The following UBN1 variants were observed in gnomAD, a reference collection of about 807,000 sequenced individuals.
UBN1 encodes ubinuclein-1.
In UBN1, 17 loss-of-function variants were observed where a neutral mutation model predicts 108.5. The ratio of observed to expected loss-of-function variants is 0.16; its 90% CI spans 0.11 to 0.24. UBN1 has a LOEUF of 0.24. Ranked by LOEUF, UBN1 falls within the 10% of genes least tolerant of loss-of-function variation. The pLI, the probability that UBN1 is intolerant of heterozygous loss-of-function variation, is 1.00. For synonymous variants in UBN1, 726 were observed against 564.2 expected, an observed-to-expected ratio of 1.29 and a Z score of -4.07; for missense variants, 1,595 against 1,394.4, an observed-to-expected ratio of 1.14 and a Z score of -2.29.
chr16:4,877,024 G>A lies in UBN1; in HGVS notation c.3178G>A (p.Ala1060Thr), dbSNP rs780621831. 2 of 1,614,178 alleles carry A rather than the reference G, an allele frequency of 1.2e-6. No homozygotes were observed. Among genetic ancestry groups the A allele is most frequent in the Non-Finnish European group, 8.5e-7 (1 of 1,180,028 alleles). ...PIPVHVLSFS[A>T]DSSAKAGVSK... ...TCCTGTCCATGTGCTCTCCTTCAGC[G>A]CTGACTCCTCTGCCAAAGCAGGGGT... The change falls in exon 16 of 18, where the codon GCT becomes ACT. Residue 1060 changes from alanine (A) to threonine (T), a missense_variant. Ala to Thr is a moderately conservative substitution (Grantham distance 58). Around this residue, in one of 3 missense-constraint regions of UBN1, gnomAD observed 1,398 missense variants for 1,194.7 expected, o/e 1.17. Transcript: ENST00000262376. The surrounding 1 kb of genome is among the most constrained non-coding windows in gnomAD (Gnocchi z 4.3).
intron 15 of UBN1, among the ~76,000 whole-genome samples, chr16:4,875,985 G>A (rs1341509361): frequency 6.9e-6 from 1 of 144,252 alleles, no homozygotes; most frequent in Non-Finnish European, 1.5e-5. Flanking sequence ...TTGAGACGAA[G>A]TCTTGCTCTT....
rs2142307742 is a variant in UBN1 at position 4,880,355 on chromosome 16, A to G, written c.*223A>G. Reference sequence around the variant, plus strand: ...GACTGCCCCGTGCTCTGGGCCTTGCAGCTCTGTCGCTAGACGGTTGTTAGA... The same window carrying G: ...GACTGCCCCGTGCTCTGGGCCTTGCGGCTCTGTCGCTAGACGGTTGTTAGA... On this transcript the variant is annotated 3_prime_UTR_variant, in exon 18 of 18. Transcript: ENST00000262376. The G allele has an allele frequency of 1.8e-6, 1 of 541,980 alleles. No individual in the cohort carries two copies. Among genetic ancestry groups the G allele is most frequent in the Non-Finnish European group, 3.3e-6 (1 of 299,878 alleles). 33.6% of individuals were successfully genotyped at this position (541,980 alleles called of 1,614,324 possible).
chr16:4,867,401 G>A (rs1425567735), intron 7 of UBN1, among the ~76,000 whole-genome samples: 3 of 152,078 alleles, frequency 2.0e-5, no homozygotes, highest in African/African-American at 7.2e-5. Flanking sequence ...TGTATAGAGG[G>A]CTAACTTTTT....
rs763834874 is a variant in UBN1 at position 4,860,649 on chromosome 16, C to T, written c.672-15C>T. 30 of 1,601,040 alleles carry T rather than the reference C, an allele frequency of 1.9e-5. No individual in the cohort carries two copies. The South Asian group carries it at 3.2e-4, about 17-fold the overall frequency. The stretch of plus-strand genomic sequence containing the variant: ...GTCCTATAGTCTGAGTGACCAGTTT[C>T]CCTCTTGCTTGCAGCTTCACAGCCC... On this transcript the variant is annotated splice_polypyrimidine_tract_variant and intron_variant, in intron 6 of 17. Transcript: ENST00000262376.
Position 4,876,853 on chromosome 16 carries a change from G to A in UBN1, c.3025-18G>A, listed in dbSNP as rs1161590736. The A allele has an allele frequency of 6.4e-7, 1 of 1,564,866 alleles. No homozygotes were observed. ...AACAGGACTGGAGTTCTTACCGCTT[G>A]CTGTGTTTCTTCCCTAGAAAGGAGC... is the stretch of plus-strand genomic sequence containing the variant. On this transcript the variant is annotated intron_variant, in intron 15 of 17. Transcript: ENST00000262376.
intron 8 of UBN1, among the ~76,000 whole-genome samples, chr16:4,869,643 G>A (rs980875683): frequency 6.6e-6 from 1 of 152,258 alleles, no homozygotes; most frequent in Admixed American, 6.5e-5. Flanking sequence ...GGGTCAGGAA[G>A]TGTGAGCTGC....
intron 2 of UBN1, among the ~76,000 whole-genome samples, chr16:4,854,492 A>G (rs1036049612): frequency 1.4e-5 from 2 of 145,706 alleles, no homozygotes; most frequent in African/African-American, 2.6e-5. Flanking sequence ...TACGGGTGCC[A>G]GCCACCACGC....
At chr16:4,849,273 TAAG>T (rs2086404500) in intron 1 of UBN1, among the ~76,000 whole-genome samples, 1 of 151,978 alleles carries the variant, frequency 6.6e-6, no homozygotes, top group Admixed American at 6.6e-5. Flanking sequence ...GAAACAAAAA[TAAG>T]AAATGCAATT....
At chr16:4,855,668 C>T (rs113804956) in intron 2 of UBN1, among the ~76,000 whole-genome samples, 7,752 of 151,310 alleles carry the variant, frequency 0.051, 679 homozygotes, top group African/African-American at 0.18. Flanking sequence ...CCTGTAATCC[C>T]CACACTTTGG....
chr16:4,856,881 T>A (rs1401296396), intron 2 of UBN1, among the ~76,000 whole-genome samples: 5 of 152,236 alleles, frequency 3.3e-5, no homozygotes, highest in Admixed American at 2.0e-4. Flanking sequence ...ATTGTATGTG[T>A]ACACCACAAA....
chr16:4,852,162 ATTGTATACGAAG>A (rs2086590631), intron 1 of UBN1: 1 of 152,238 alleles, frequency 6.6e-6, no homozygotes, highest in South Asian at 2.1e-4. Context: ...AGGACACAAA[ATTGTATACGAAG>A]TAAGCAGAAA....
intron 2 of UBN1, among the ~76,000 whole-genome samples, chr16:4,853,643 C>T (rs886573450): frequency 1.2e-4 from 18 of 151,576 alleles, no homozygotes; most frequent in African/African-American, 3.2e-4. Flanking sequence ...CTGTAACCTC[C>T]GCCTCCCGAG....
chr16:4,878,557 A>G (rs930904721), intron 17 of UBN1, among the ~76,000 whole-genome samples: 4 of 152,212 alleles, frequency 2.6e-5, no homozygotes, highest in Admixed American at 2.0e-4. Context: ...GGCTAAGCCT[A>G]TAGCACTAGT....
At chr16:4,857,369 A>ATT (rs1231337775) in intron 2 of UBN1, among the ~76,000 whole-genome samples, 1 of 83,680 alleles carries the variant, frequency 1.2e-5, no homozygotes. Flanking sequence ...AAAAAAAAAA[A>ATT]TTTTTTTTTT....
Position 4,853,182 on chromosome 16 carries a change from C to T in UBN1, c.249+16C>T. 6.2e-7 allele frequency: 1 copy of T among 1,613,056 alleles called. No individual in the cohort carries two copies. Among genetic ancestry groups the T allele is most frequent in the Non-Finnish European group, 8.5e-7 (1 of 1,179,736 alleles). On this transcript the variant is annotated intron_variant, in intron 2 of 17. Coordinates refer to ENST00000262376, the MANE Select transcript of UBN1 (RefSeq NM_001079514.3). ...TGGAGATAAGGTACACCCCTTTGTT[C>T]CCAGAGGCGCTGCAGGTTTAACGCA...
At position 4,874,343 on chromosome 16, in the gene UBN1, G is replaced by A; in HGVS notation, c.1933G>A (p.Ala645Thr). The A allele has an allele frequency of 6.2e-7, 1 of 1,614,090 alleles. No homozygotes were observed. Among genetic ancestry groups the A allele is most frequent in the Non-Finnish European group, 8.5e-7 (1 of 1,180,036 alleles). Residue 645 changes from alanine (A) to threonine (T), a missense_variant, in exon 15 of 18, where the codon GCA becomes ACA. This residue lies in a region of UBN1 where 1,398 missense variants were observed against 1,194.7 expected (regional missense o/e 1.17). Transcript: ENST00000262376. ...CTCGAGCAGGGAGCTCCCATCCCAG[G>A]CATCGGGCGGCCTTGCTAACCCTCC... ...GASSRELPSQASGGLANPPPV... is the reference protein window; with the variant it reads ...GASSRELPSQTSGGLANPPPV...
Position 4,877,096 on chromosome 16 carries a change from C to T in UBN1, c.3250C>T (p.His1084Tyr), listed in dbSNP as rs2087920479. Residue 1084 changes from histidine to tyrosine, a missense_variant, in exon 16 of 18, where the codon CAT becomes TAT. Physicochemically the swap from His to Tyr is moderately conservative, Grantham distance 83. Transcript: ENST00000262376. The surrounding 1 kb of genome is among the most constrained non-coding windows in gnomAD (Gnocchi z 4.3). ...VTGPAPGSFHHGLGHSLLAGL... is the reference protein window; with the variant it reads ...VTGPAPGSFHYGLGHSLLAGL... ...AGGCCCTGCCCCCGGGTCCTTCCAC[C>T]ATGGCCTTGGCCACAGTAAGTGCTT... 1 of 1,611,150 alleles carries T rather than the reference C, an allele frequency of 6.2e-7. No individual in the cohort carries two copies. The highest frequency in any genetic ancestry group is 1.7e-5 in the Admixed American group (1 of 59,710).
intron 4 of UBN1, 158 bp downstream of exon 4, chr16:4,858,821 G>A (rs893830302): frequency 1.7e-5 from 16 of 940,774 alleles, no homozygotes; most frequent in East Asian, 4.8e-5. Flanking sequence ...TTCTTTATCC[G>A]GGTCTTAGTT....
intron 1 of UBN1, among the ~76,000 whole-genome samples, chr16:4,849,501 A>G (rs975185471): frequency 3.9e-5 from 6 of 152,166 alleles, no homozygotes; most frequent in African/African-American, 1.2e-4. Context: ...GTAAGAAAAA[A>G]TTAAAAATTG....
Sources: gnomAD v4.1 joint callset for allele counts (sites outside exome capture counted in the v4.1 genomes callset) on GRCh38, gnomAD v4.1.1 for gene constraint, gnomAD v4.1.1 regional missense constraint, Gnocchi (gnomAD v3.1) non-coding constraint, MANE v1.5 for transcripts, NCBI Gene and HGNC (gene_info 2026-07-23, HGNC 2026-07-21) for gene names.